Variants in TVP23C observed in about 807,000 individuals in gnomAD.
The protein encoded by TVP23C is trans-golgi network vesicle protein 23 homolog C, also known as Golgi apparatus membrane protein TVP23 homolog C.
Under a neutral mutation model 28.7 loss-of-function variants are expected in TVP23C, and 19 were observed. The ratio of observed to expected loss-of-function variants is 0.66; its 90% CI spans 0.46 to 0.97. The LOEUF is 0.97. Among genes scored for constraint, TVP23C ranks in the 50% least tolerant of loss-of-function variants. The pLI is 0.00. For missense variants in TVP23C, 186 were observed against 241.3 expected, an observed-to-expected ratio of 0.77 and a Z score of 1.52; for synonymous variants, 68 against 81.7, an observed-to-expected ratio of 0.83 and a Z score of 0.90.
intron 3 of TVP23C, among the ~76,000 whole-genome samples, chr17:15,551,675 T>G (rs55753180): frequency 0.56 from 69,236 of 122,722 alleles, 17,223 homozygotes; most frequent in Non-Finnish European, 0.66. Flanking sequence ...GAGATTTTTT[T>G]GTGTGCGATT....
intron 5 of TVP23C, among the ~76,000 whole-genome samples, chr17:15,516,088 T>A (rs1982215059): frequency 6.6e-6 from 1 of 152,166 alleles, no homozygotes; most frequent in Non-Finnish European, 1.5e-5. Flanking sequence ...GAAGCAGATG[T>A]TCTCATGCTT....
At chr17:15,518,336 G>C (rs1268540882) in intron 5 of TVP23C, among the ~76,000 whole-genome samples, 3 of 152,160 alleles carry the variant, frequency 2.0e-5, no homozygotes, top group African/African-American at 7.2e-5. Context: ...GCAATGCTAC[G>C]TACTGTATCA....
At chr17:15,521,628 C>T (rs1436451505) in intron 5 of TVP23C, among the ~76,000 whole-genome samples, 1 of 152,110 alleles carries the variant, frequency 6.6e-6, no homozygotes, top group Non-Finnish European at 1.5e-5. Flanking sequence ...TATAGAGAAA[C>T]TTAGTTTATG....
chr17:15,556,607 G>A (rs1197119102), intron 1 of TVP23C, among the ~76,000 whole-genome samples: 1 of 151,764 alleles, frequency 6.6e-6, no homozygotes, highest in Non-Finnish European at 1.5e-5. Flanking sequence ...CACCCGCCTC[G>A]GCCTCCCAAT....
intron 5 of TVP23C, among the ~76,000 whole-genome samples, chr17:15,544,033 G>A (rs1309431929): frequency 1.3e-5 from 2 of 151,916 alleles, no homozygotes; most frequent in African/African-American, 2.4e-5. Context: ...AACTTGATAT[G>A]GAAAGATAAA....
chr17:15,533,130 A>G (rs2150843490), downstream of TVP23C, among the ~76,000 whole-genome samples: 1 of 152,328 alleles, frequency 6.6e-6, no homozygotes, highest in South Asian at 2.1e-4. Context: ...AACATGTTTT[A>G]TTATTCTAAA....
chr17:15,517,348 C>G (rs771232912), intron 5 of TVP23C, among the ~76,000 whole-genome samples: 3 of 152,178 alleles, frequency 2.0e-5, no homozygotes. Context: ...AAATACGCAT[C>G]AATAGTTAGG....
At chr17:15,534,611 A>C (rs112646137), downstream of TVP23C, among the ~76,000 whole-genome samples, 5,217 of 115,746 alleles carry the variant, frequency 0.045, 156 homozygotes, top group African/African-American at 0.14. Context: ...ACACACACAC[A>C]CCCTTACCTA....
At chr17:15,511,833 C>T (rs912588623) in intron 5 of TVP23C, among the ~76,000 whole-genome samples, 1 of 152,126 alleles carries the variant, frequency 6.6e-6, no homozygotes, top group African/African-American at 2.4e-5. Flanking sequence ...TAGTTTCATA[C>T]TATTTTTGAT....
chr17:15,525,725 T>G (rs1238352178), intron 5 of TVP23C, among the ~76,000 whole-genome samples: 1 of 152,214 alleles, frequency 6.6e-6, no homozygotes, highest in Non-Finnish European at 1.5e-5. Context: ...CACGTTCATC[T>G]CTGGCACGAG....
exon 6 of TVP23C, chr17:15,502,714 TCTCTC>T: frequency 8.1e-7 from 1 of 1,230,272 alleles, no homozygotes; most frequent in Non-Finnish European, 1.1e-6. Context: ...GTTCTTTCTC[TCTCTC>T]CTCTCTCTCT....
At position 15,552,788 on chromosome 17, in the gene TVP23C, CA is replaced by C; in HGVS notation, c.240+896del. Among the ~76,000 whole-genome samples, 3 of 152,278 alleles carry C rather than the reference CA, an allele frequency of 2.0e-5. No homozygotes were observed. In the East Asian group the frequency reaches 5.8e-4, roughly 29 times the overall value. ...GAATCAGTATATGTCTCTGAAACTCCAAAATCAGCCTTTGATTTTTTTCTCC... is the reference window on the plus strand; with the variant it reads ...GAATCAGTATATGTCTCTGAAACTCCAAATCAGCCTTTGATTTTTTTCTCC... On this transcript the variant is annotated intron_variant, in intron 3 of 5. Coordinates refer to ENST00000518321, the MANE Select transcript of TVP23C (RefSeq NM_001135036.2).
intron 5 of TVP23C, among the ~76,000 whole-genome samples, chr17:15,507,984 G>A (rs1471060758): frequency 6.6e-6 from 1 of 152,232 alleles, no homozygotes; most frequent in Non-Finnish European, 1.5e-5. Context: ...AGGTGAAAGT[G>A]TTAGCATAGT....
rs2032669909 is a variant in TVP23C, at chr17:15,502,810, C to T, written c.*54G>A. ...CCCTCTCTCCTCTCTCCTCTCTCTC[C>T]TCTCTCTCTCTCTCTCTCTCTCCTG... On this transcript the variant is annotated 3_prime_UTR_variant, in exon 6 of 6. Coordinates refer to the TVP23C transcript ENST00000225576. 12 of 132,170 alleles carry T rather than the reference C, an allele frequency of 9.1e-5. No homozygotes were observed. In the South Asian group the frequency reaches 1.5e-3, roughly 16 times the overall value. 8.2% of individuals were successfully genotyped at this position (132,170 alleles called of 1,614,324 possible).
At chr17:15,518,215 AC>A (rs1982316907) in intron 5 of TVP23C, among the ~76,000 whole-genome samples, 1 of 151,680 alleles carries the variant, frequency 6.6e-6, no homozygotes, top group African/African-American at 2.4e-5. Context: ...GTCACAGAGA[AC>A]CCAATAGGCA....
intron 5 of TVP23C, chr17:15,507,284 G>T: frequency 1.3e-6 from 1 of 752,292 alleles, no homozygotes; most frequent in South Asian, 1.4e-5. Context: ...TGAAGCCCAT[G>T]GAGCGCTTTC....
Position 15,514,072 on chromosome 17 carries a change from T to C in TVP23C, c.463-10840A>G, listed in dbSNP as rs190414000. ...AAGAGAACGTTCTTATCACCGTTCA[T>C]GGGGTGCAGCTATTTACTCTGGGCT... is the stretch of plus-strand genomic sequence containing the variant. On this transcript the variant is annotated intron_variant, in intron 5 of 5. Transcript: ENST00000225576. Among the ~76,000 whole-genome samples the C allele has an allele frequency of 2.0e-3, 302 of 152,318 alleles. 1 individual carries two copies. Among genetic ancestry groups the C allele is most frequent in the Non-Finnish European group, 2.4e-3 (163 of 68,032 alleles).
At chr17:15,507,504 T>A in intron 5 of TVP23C, 1 of 412,396 alleles carries the variant, frequency 2.4e-6, no homozygotes. Context: ...TTCCCTTCCA[T>A]GCCTAGCTGG....
At position 15,537,904 on chromosome 17, in the gene TVP23C, C is replaced by T. The variant is rs549026094; in HGVS notation, c.*2508G>A. 15 of 1,429,404 alleles carry T rather than the reference C, an allele frequency of 1.0e-5. No individual in the cohort carries two copies. The East Asian group carries it at 2.8e-4, about 27-fold the overall frequency. 88.5% of individuals were successfully genotyped at this position (1,429,404 alleles called of 1,614,324 possible). On this transcript the variant is annotated 3_prime_UTR_variant, in exon 6 of 6. Coordinates refer to ENST00000518321, the MANE Select transcript of TVP23C (RefSeq NM_001135036.2). ...TGCATACCTACACCACAGAACAAATCTTAACAATGTTTCTAGTGCCAACAT... is the reference window on the plus strand; with the variant it reads ...TGCATACCTACACCACAGAACAAATTTTAACAATGTTTCTAGTGCCAACAT...
Sources: allele counts gnomAD v4.1 joint callset (sites outside exome capture counted in the v4.1 genomes callset), GRCh38; gene constraint gnomAD v4.1.1; transcripts MANE v1.5; gene names NCBI Gene and HGNC (gene_info 2026-07-23, HGNC 2026-07-21).